Variants in TSPAN8 observed in about 807,000 individuals in gnomAD.
TSPAN8 encodes the protein tetraspanin-8.
A neutral mutation model predicts 32.8 loss-of-function variants in TSPAN8; 21 were observed. That is an observed-to-expected ratio of 0.64 (90% CI 0.45 to 0.92). The LOEUF is 0.92. Among genes scored for constraint, TSPAN8 ranks in the 40% least tolerant of loss-of-function variants. The pLI is 0.00. For synonymous variants in TSPAN8, 95 were observed against 94.6 expected (o/e 1.00, Z -0.03); for missense variants, 269 against 281.9 (o/e 0.95, Z 0.33).
chr12:71,151,391 T>C (rs114925167), intron 2 of TSPAN8, among the ~76,000 whole-genome samples: 2,222 of 152,232 alleles, frequency 0.015, 57 homozygotes, highest in African/African-American at 0.05. Context: ...AAGCACTCAA[T>C]ATAACTGCTG....
intron 2 of TSPAN8, among the ~76,000 whole-genome samples, chr12:71,155,985 T>C (rs575388051): frequency 2.6e-5 from 4 of 152,076 alleles, no homozygotes; most frequent in African/African-American, 9.6e-5. Context: ...CCCATCTCGG[T>C]CTCCCAAAGT....
chr12:71,151,758 T>C (rs1399120623), intron 2 of TSPAN8, among the ~76,000 whole-genome samples: 2 of 152,224 alleles, frequency 1.3e-5, no homozygotes, highest in Admixed American at 6.5e-5. Context: ...ATGTATCCTA[T>C]ATTCCTACCT....
At chr12:71,155,138 A>G (rs1005308078) in intron 2 of TSPAN8, among the ~76,000 whole-genome samples, 2 of 152,260 alleles carry the variant, frequency 1.3e-5, no homozygotes, top group South Asian at 2.1e-4. Context: ...TGGGATACCC[A>G]GGTAATTAAA....
rs745449738 is a variant in TSPAN8 at position 71,125,322 on chromosome 12, G to C, written c.*12C>G. 17 of 1,609,716 alleles carry C rather than the reference G, an allele frequency of 1.1e-5. No homozygotes were observed. Among genetic ancestry groups the C allele is most frequent in the Non-Finnish European group, 1.4e-5 (17 of 1,177,842 alleles). ...GGGGTTTGACTGACGATAGGTTGAT[G>C]CATCCACAGATTCATTTGTTCCCGA... is the stretch of plus-strand genomic sequence containing the variant. On this transcript the variant is annotated 3_prime_UTR_variant, in exon 9 of 9. Coordinates refer to ENST00000247829, the MANE Select transcript of TSPAN8 (RefSeq NM_004616.3).
At chr12:71,148,271 CTT>C (rs1398026351) in intron 2 of TSPAN8, among the ~76,000 whole-genome samples, 1 of 152,154 alleles carries the variant, frequency 6.6e-6, no homozygotes, top group Non-Finnish European at 1.5e-5. Context: ...CTGAAGATCT[CTT>C]TCTCTCTTAT....
At chr12:71,157,366 T>C in intron 2 of TSPAN8, 1 of 392,086 alleles carries the variant, frequency 2.6e-6, no homozygotes, top group Non-Finnish European at 4.6e-6. Flanking sequence ...CTCTGTGATT[T>C]TTTTTTGCAG....
intron 2 of TSPAN8, among the ~76,000 whole-genome samples, chr12:71,145,221 A>G (rs1418307262): frequency 6.6e-6 from 1 of 152,134 alleles, no homozygotes; most frequent in African/African-American, 2.4e-5. Context: ...AATAGAGTCA[A>G]GGGCTCTGTT....
At chr12:71,147,913 T>G (rs1592408804) in intron 2 of TSPAN8, among the ~76,000 whole-genome samples, 1 of 152,126 alleles carries the variant, frequency 6.6e-6, no homozygotes, top group African/African-American at 2.4e-5. Flanking sequence ...GAGAGGCAGG[T>G]TAAGTTGTGT....
intron 2 of TSPAN8, 67 bp downstream of exon 2, chr12:71,157,552 G>A: frequency 1.8e-6 from 2 of 1,130,034 alleles, no homozygotes; most frequent in East Asian, 4.7e-5. Flanking sequence ...GTCTGTTCTT[G>A]TTTATGATAT....
chr12:71,132,196 G>A (rs536106682), intron 7 of TSPAN8, among the ~76,000 whole-genome samples: 1 of 152,320 alleles, frequency 6.6e-6, no homozygotes, highest in African/African-American at 2.4e-5. Context: ...GTAGCTGTCA[G>A]TAACATAGAG....
At chr12:71,129,241 T>A (rs1871439364) in intron 8 of TSPAN8, 90 bp downstream of exon 8, 2 of 1,330,670 alleles carry the variant, frequency 1.5e-6, no homozygotes, top group Middle Eastern at 2.0e-4. Flanking sequence ...GGTTTTTTTT[T>A]TTCTGTTTGT....
intron 2 of TSPAN8, among the ~76,000 whole-genome samples, chr12:71,156,444 CAGCCCA>C (rs1231626609): frequency 1.8e-5 from 2 of 111,222 alleles, no homozygotes; most frequent in East Asian, 8.4e-4. Context: ...TTTGCAAAAG[CAGCCCA>C]TTTTTTTAAC....
In TSPAN8 at chr12:71,140,314, A is replaced by G. The variant is rs184934448; in HGVS notation, c.124-466T>C. ...AGCTAAAGAAGCCATAGAAAAAAGT[A>G]AATACTGTATGATTCCATTTCTATA... On this transcript the variant is annotated intron_variant, in intron 3 of 8. Coordinates refer to ENST00000247829, the MANE Select transcript of TSPAN8 (RefSeq NM_004616.3). Among the ~76,000 whole-genome samples the G allele has an allele frequency of 1.5e-3, 221 of 152,330 alleles. 1 individual carries two copies. The highest frequency in any genetic ancestry group is 5.1e-3 in the African/African-American group (213 of 41,582).
chr12:71,129,951 C>CTTTTT (rs35715058), intron 7 of TSPAN8, among the ~76,000 whole-genome samples: 13 of 140,192 alleles, frequency 9.3e-5, no homozygotes, highest in African/African-American at 2.1e-4. Context: ...TTCTTTCTTT[C>CTTTTT]TTTTTTTTTT....
At chr12:71,152,781 C>A (rs759773553) in intron 2 of TSPAN8, among the ~76,000 whole-genome samples, 4 of 152,202 alleles carry the variant, frequency 2.6e-5, no homozygotes, top group African/African-American at 9.7e-5. Flanking sequence ...TCAACGGACA[C>A]AATAAGATAT....
rs781639271 is a variant in TSPAN8 at position 71,139,728 on chromosome 12, G to A, written c.244C>T (p.Arg82Cys). 13 of 1,613,600 alleles carry A rather than the reference G, an allele frequency of 8.1e-6. No individual in the cohort carries two copies. The highest frequency in any genetic ancestry group is 2.2e-5 in the South Asian group (2 of 91,024). Residue 82 changes from arginine to cysteine, a missense_variant, in exon 4 of 9, where the codon CGC becomes TGC. Coordinates refer to ENST00000247829, the MANE Select transcript of TSPAN8 (RefSeq NM_004616.3). ...LGCCGAIKES[R>C]CMLLLFFIGL... ...GAACTCACCAACAGAAGCATGCAGC[G>A]ACTTTCTTTTATAGCACCGCAGCAT...
At chr12:71,142,241 G>A (rs564848948) in intron 3 of TSPAN8, among the ~76,000 whole-genome samples, 6 of 152,252 alleles carry the variant, frequency 3.9e-5, no homozygotes, top group South Asian at 4.1e-4. Flanking sequence ...CTGATGAAGC[G>A]TGAGTCAAAA....
At chr12:71,146,049 A>G (rs1328033612) in intron 2 of TSPAN8, among the ~76,000 whole-genome samples, 1 of 152,186 alleles carries the variant, frequency 6.6e-6, no homozygotes, top group Non-Finnish European at 1.5e-5. Flanking sequence ...TTATTAAATC[A>G]ATCATATCTG....
chr12:71,132,728 A>C lies in TSPAN8; in HGVS notation c.541T>G (p.Cys181Gly). 1 of 1,613,938 alleles carries C rather than the reference A, an allele frequency of 6.2e-7. No individual in the cohort carries two copies. The highest frequency in any genetic ancestry group is 8.5e-7 in the Non-Finnish European group (1 of 1,179,946). The part of the protein sequence containing the change: ...LCACLDKQRP[C>G]QSYNGKQVYK... ...ACTTGTTTTCCATTATAGCTTTGGC[A>C]TGGTCTCTGCTTATCTAGACAGGCA... is the stretch of plus-strand genomic sequence containing the variant. The change falls in exon 7 of 9, where the codon TGC becomes GGC. Residue 181 changes from cysteine to glycine, a missense_variant. Cys to Gly is a radical substitution (Grantham distance 159, BLOSUM62 -3). Transcript: ENST00000247829.
Sources: gnomAD v4.1 joint callset for allele counts (sites outside exome capture counted in the v4.1 genomes callset) on GRCh38, gnomAD v4.1.1 for gene constraint, MANE v1.5 for transcripts, NCBI Gene and HGNC (gene_info 2026-07-23, HGNC 2026-07-21) for gene names.